The following RFX2 variants were observed in gnomAD, a reference collection of about 807,000 sequenced individuals.
RFX2 encodes the protein regulatory factor X2.
Under a neutral mutation model 87.8 loss-of-function variants are expected in RFX2, and 20 were observed. That is an observed-to-expected ratio of 0.23 (90% CI 0.16 to 0.33). The LOEUF (loss-of-function observed/expected upper bound fraction) is 0.33, where lower values mean the gene tolerates loss of function less well. Ranked by LOEUF, RFX2 falls within the 10% of genes least tolerant of loss-of-function variation. The probability of loss-of-function intolerance (pLI) is 1.00; values close to 1 mark genes in which losing one functional copy is unlikely to be tolerated. For synonymous variants in RFX2, 397 were observed against 431.3 expected (o/e 0.92, Z 0.98); for missense variants, 767 against 1,012.3 (o/e 0.76, Z 3.29).
At chr19:6,098,689 G>A (rs1349435195) in intron 1 of RFX2, among the ~76,000 whole-genome samples, 1 of 150,860 alleles carries the variant, frequency 6.6e-6, no homozygotes, top group African/African-American at 2.4e-5. Flanking sequence ...AAAAAGAACT[G>A]GAAAAAAAAA....
intron 5 of RFX2, among the ~76,000 whole-genome samples, chr19:6,038,125 G>A (rs1050202424): frequency 6.6e-6 from 1 of 151,922 alleles, no homozygotes; most frequent in Admixed American, 6.6e-5. Flanking sequence ...TCAGGCATTC[G>A]AGACCAGCCT....
rs1300319358 is a variant in RFX2, at chr19:6,045,266, A to G, written c.91-984T>C. 6.6e-6 allele frequency among the ~76,000 whole-genome samples: 1 copy of G among 152,206 alleles called. No homozygotes were observed. Among genetic ancestry groups the G allele is most frequent in the Non-Finnish European group, 1.5e-5 (1 of 68,030 alleles). On this transcript the variant is annotated intron_variant, in intron 2 of 17. Coordinates refer to ENST00000303657, the MANE Select transcript of RFX2 (RefSeq NM_000635.4). This position sits in a 1 kb window ranked among gnomAD's most constrained non-coding sequence, Gnocchi z 5.2. The stretch of plus-strand genomic sequence containing the variant: ...GAGCTGGGCGCCGTGTGCTTGGAGA[A>G]TTCACAGGGTCCTGGCAAGTCCTCA...
At position 6,012,157 on chromosome 19, in the gene RFX2, G is replaced by A. The variant is rs2086667057; in HGVS notation, c.899+829C>T. 6.6e-6 allele frequency: 1 copy of A among 152,266 alleles called. No individual in the cohort carries two copies. Among genetic ancestry groups the A allele is most frequent in the Non-Finnish European group, 1.5e-5 (1 of 68,046 alleles). 9.4% of individuals were successfully genotyped at this position (152,266 alleles called of 1,614,324 possible). A position where few individuals can be genotyped will look rare whatever the true frequency, so the allele number is the denominator to read the frequency against. On this transcript the variant is annotated intron_variant, in intron 8 of 17. Transcript: ENST00000303657. This position sits in a 1 kb window ranked among gnomAD's most constrained non-coding sequence, Gnocchi z 4.6. ...GGCTCCTGCCTTAGAAGATGAGAAA[G>A]TTTGTGATGGATGGAGAAGAGGATC...
rs1156483792 is a variant in RFX2 at position 6,107,616 on chromosome 19, C to CAAAAAAAAAAAAAAA, written c.-9+2762_-9+2776dup. Reference sequence around the variant, plus strand: ...TGGGTGACAGAGTGAGACCCTGTCTCAAAAAAAAAAAAAAAAAAAAAAAAA... The same window carrying CAAAAAAAAAAAAAAA: ...TGGGTGACAGAGTGAGACCCTGTCTCAAAAAAAAAAAAAAAAAAAAAAAAAAAAAAAAAAAAAAAA... On this transcript the variant is annotated intron_variant, in intron 1 of 17. Coordinates refer to ENST00000303657, the MANE Select transcript of RFX2 (RefSeq NM_000635.4). 5.4e-4 allele frequency among the ~76,000 whole-genome samples: 17 copies of CAAAAAAAAAAAAAAA among 31,556 alleles called. 2 individuals carry two copies. Among genetic ancestry groups the CAAAAAAAAAAAAAAA allele is most frequent in the African/African-American group, 1.2e-3 (10 of 8,078 alleles). The allele number at this position is 31,556 out of a possible 152,430, so 20.7% of individuals were successfully genotyped here.
intron 1 of RFX2, among the ~76,000 whole-genome samples, chr19:6,099,892 G>A (rs1166903909): frequency 6.6e-6 from 1 of 152,202 alleles, no homozygotes; most frequent in Non-Finnish European, 1.5e-5. Flanking sequence ...GAAACAGTTG[G>A]TTGTCACCAC....
rs761754086 is a variant in RFX2 at position 6,042,010 on chromosome 19, G to T, written c.260+34C>A. The stretch of plus-strand genomic sequence containing the variant: ...TGGCAAAGGCTGGAGTCAGGGAGAG[G>T]GTTCCGGGTGTGGCCCGCGGGAGAA... On this transcript the variant is annotated intron_variant, in intron 4 of 17. Coordinates refer to ENST00000303657, the MANE Select transcript of RFX2 (RefSeq NM_000635.4). 6 of 1,586,194 alleles carry T rather than the reference G, an allele frequency of 3.8e-6. No individual in the cohort carries two copies. In the South Asian group the frequency reaches 5.5e-5, roughly 15 times the overall value.
chr19:6,049,235 A>G (rs2087237794), intron 1 of RFX2: 1 of 151,534 alleles, frequency 6.6e-6, no homozygotes. Flanking sequence ...TCCCGTCTGA[A>G]GCCAAGCGGG....
chr19:6,096,693 A>G (rs566243568), intron 1 of RFX2, among the ~76,000 whole-genome samples: 7 of 152,238 alleles, frequency 4.6e-5, no homozygotes, highest in Admixed American at 3.9e-4. Flanking sequence ...TGATCCGCCC[A>G]CCTTGGCCTC....
In RFX2 at chr19:6,011,077, T is replaced by C. The variant is rs958972613; in HGVS notation, c.900-826A>G. Among the ~76,000 whole-genome samples, 1 of 151,720 alleles carries C rather than the reference T, an allele frequency of 6.6e-6. No individual in the cohort carries two copies. The highest frequency in any genetic ancestry group is 1.5e-5 in the Non-Finnish European group (1 of 67,974). ...GTTGCAGTGAGCCGAGTTCACGCCA[T>C]TGCACTCCAGCCTGGGCGACAAAAG... On this transcript the variant is annotated intron_variant, in intron 8 of 17. Transcript: ENST00000303657. This position sits in a 1 kb window ranked among gnomAD's most constrained non-coding sequence, Gnocchi z 4.8.
At chr19:6,098,691 A>G (rs2088064792) in intron 1 of RFX2, among the ~76,000 whole-genome samples, 1 of 149,544 alleles carries the variant, frequency 6.7e-6, no homozygotes, top group East Asian at 1.9e-4. Context: ...AAAGAACTGG[A>G]AAAAAAAAAG....
chr19:6,003,594 T>C (rs550604485), intron 13 of RFX2, among the ~76,000 whole-genome samples: 2 of 151,932 alleles, frequency 1.3e-5, no homozygotes, highest in South Asian at 4.2e-4. Context: ...CTGGCCAACA[T>C]GGCGAAACCC....
chr19:6,077,566 G>A (rs2087709692), intron 1 of RFX2, among the ~76,000 whole-genome samples: 1 of 152,328 alleles, frequency 6.6e-6, no homozygotes, highest in South Asian at 2.1e-4. Flanking sequence ...TCATCCTGCA[G>A]AAGTAGACAT....
At chr19:6,057,314 A>C (rs1377221556) in intron 1 of RFX2, 1 of 152,290 alleles carries the variant, frequency 6.6e-6, no homozygotes, top group African/African-American at 2.4e-5. Context: ...CACAAAGGGA[A>C]GAGGCTTCTG....
At chr19:6,062,539 G>C (rs755488884) in intron 1 of RFX2, among the ~76,000 whole-genome samples, 2 of 152,192 alleles carry the variant, frequency 1.3e-5, no homozygotes, top group Non-Finnish European at 1.5e-5. Context: ...ACAGCTTCCC[G>C]ACCTACGTGG....
At chr19:6,041,792 T>G (rs1314356744) in intron 4 of RFX2, among the ~76,000 whole-genome samples, 1 of 152,000 alleles carries the variant, frequency 6.6e-6, no homozygotes, top group Non-Finnish European at 1.5e-5. Context: ...CTCCAACTCC[T>G]GGGCTCATGC....
chr19:6,066,316 C>T lies in RFX2; in HGVS notation c.-8-18812G>A, dbSNP rs556163543. Among the ~76,000 whole-genome samples the T allele has an allele frequency of 2.4e-4, 36 of 152,264 alleles. 1 individual carries two copies. Among genetic ancestry groups the T allele is most frequent in the African/African-American group, 8.7e-4 (36 of 41,552 alleles). Reference sequence around the variant, plus strand: ...ACCAGAAGGTGCTGGGTCCAATTTCCACCCTCAGCCAACCCTATCTGTGAA... The same window carrying T: ...ACCAGAAGGTGCTGGGTCCAATTTCTACCCTCAGCCAACCCTATCTGTGAA... On this transcript the variant is annotated intron_variant, in intron 1 of 17. Transcript: ENST00000303657.
intron 1 of RFX2, among the ~76,000 whole-genome samples, chr19:6,097,660 G>A (rs1228405208): frequency 3.3e-5 from 5 of 152,022 alleles, no homozygotes; most frequent in African/African-American, 4.8e-5. Flanking sequence ...GTGCAAACAC[G>A]GCTCAAGTAA....
chr19:6,084,915 G>T lies in RFX2; in HGVS notation c.-9+25478C>A, dbSNP rs1044626942. Among the ~76,000 whole-genome samples the T allele has an allele frequency of 2.0e-5, 3 of 152,178 alleles. No individual in the cohort carries two copies. In the East Asian group the frequency reaches 5.8e-4, roughly 29 times the overall value. On this transcript the variant is annotated intron_variant, in intron 1 of 17. Transcript: ENST00000303657. ...GCCTCCCAGAGTGCTGGGATTAGAG[G>T]TGTGAGCCACTGCGCCCGGCTGGAT...
At chr19:6,087,244 C>G (rs998604321) in intron 1 of RFX2, among the ~76,000 whole-genome samples, 1 of 152,130 alleles carries the variant, frequency 6.6e-6, no homozygotes, top group Admixed American at 6.5e-5. Flanking sequence ...GACGCACACC[C>G]GTCTCCAGCA....
Sources: allele counts gnomAD v4.1 joint callset (sites outside exome capture counted in the v4.1 genomes callset), GRCh38; gene constraint gnomAD v4.1.1; non-coding constraint Gnocchi (gnomAD v3.1); transcripts MANE v1.5; gene names NCBI Gene and HGNC (gene_info 2026-07-23, HGNC 2026-07-21).